Variants in GGT7 observed in about 807,000 individuals in gnomAD.
GGT7 encodes glutathione hydrolase 7.
GGT7 carries 30 observed loss-of-function variants against 69.2 expected under a neutral mutation model. The ratio of observed to expected loss-of-function variants is 0.43; its 90% CI spans 0.32 to 0.59. The LOEUF is 0.59. Ranked by LOEUF, GGT7 falls within the 20% of genes least tolerant of loss-of-function variation. GGT7 has a pLI of 0.05. For missense variants in GGT7, 733 were observed against 901.1 expected, an observed-to-expected ratio of 0.81 and a Z score of 2.39; for synonymous variants, 388 against 391.8, an observed-to-expected ratio of 0.99 and a Z score of 0.12.
At chr20:34,861,422 T>C (rs376520826) in intron 4 of GGT7, 23 bp downstream of exon 4, 3 of 1,277,926 alleles carry the variant, frequency 2.3e-6, no homozygotes, top group African/African-American at 2.9e-5. Context: ...CCCTGAACTC[T>C]CTCTTCTCAC....
At chr20:34,867,191 T>G (rs933265584) in intron 1 of GGT7, among the ~76,000 whole-genome samples, 1 of 152,102 alleles carries the variant, frequency 6.6e-6, no homozygotes, top group African/African-American at 2.4e-5. Flanking sequence ...TCCCAAAGTG[T>G]TGGGATTACA....
At position 34,859,378 on chromosome 20, in the gene GGT7, G is replaced by A. The variant is rs1179897253; in HGVS notation, c.1014+65C>T. On this transcript the variant is annotated intron_variant, in intron 7 of 14. Coordinates refer to ENST00000336431, the MANE Select transcript of GGT7 (RefSeq NM_178026.3). The stretch of plus-strand genomic sequence containing the variant: ...AGGGAGGGAAGGAAGGAAAAAATGC[G>A]GACGCGGATGTCCTGCAATAGGGAC... The A allele has an allele frequency of 1.9e-5, 24 of 1,268,974 alleles. 1 individual carries two copies. Among genetic ancestry groups the A allele is most frequent in the South Asian group, 6.7e-5 (4 of 59,412 alleles). 78.6% of individuals were successfully genotyped at this position (1,268,974 alleles called of 1,614,324 possible). A position where few individuals can be genotyped will look rare whatever the true frequency, so the allele number is the denominator to read the frequency against.
chr20:34,859,680 G>A (rs1195156789), intron 6 of GGT7, 41 bp from the exon 7 acceptor site: 1 of 1,480,972 alleles, frequency 6.8e-7, no homozygotes. Flanking sequence ...CGGGACGCCA[G>A]GACTGGACCG....
chr20:34,859,526 C>G lies in GGT7; in HGVS notation c.931G>C (p.Ala311Pro). 6.2e-7 allele frequency: 1 copy of G among 1,612,364 alleles called. No individual in the cohort carries two copies. Among genetic ancestry groups the G allele is most frequent in the Non-Finnish European group, 8.5e-7 (1 of 1,179,172 alleles). The change falls in exon 7 of 15, where the codon GCT (alanine) becomes CCT (proline). Residue 311 changes from alanine (A) to proline (P), a missense_variant. Ala to Pro is a conservative substitution (Grantham distance 27). Coordinates refer to ENST00000336431, the MANE Select transcript of GGT7 (RefSeq NM_178026.3). ...PGSLLHRPDL[A>P]EVLDVLGTSG... ...GTGCCAAGTACATCCAGCACCTCAGCCAGGTCGGGCCGATGCAGCAACGAG... is the reference window on the plus strand; with the variant it reads ...GTGCCAAGTACATCCAGCACCTCAGGCAGGTCGGGCCGATGCAGCAACGAG...
Position 34,851,137 on chromosome 20 carries a change from G to A in GGT7, c.1725+94C>T, listed in dbSNP as rs548370428. 2,431 of 1,487,306 alleles carry A rather than the reference G, an allele frequency of 1.6e-3. 6 individuals are homozygous for A. Among genetic ancestry groups the A allele is most frequent in the Non-Finnish European group, 2.1e-3 (2,221 of 1,077,432 alleles). 92.1% of individuals were successfully genotyped at this position (1,487,306 alleles called of 1,614,324 possible). Reference sequence around the variant, plus strand: ...CCTCAGCCCATGTTTGCCGCATGAGGAATGGAAACAAGCCACAGATATGAC... The same window carrying A: ...CCTCAGCCCATGTTTGCCGCATGAGAAATGGAAACAAGCCACAGATATGAC... On this transcript the variant is annotated intron_variant, in intron 13 of 14. Transcript: ENST00000336431.
At chr20:34,869,624 G>A (rs1454669700) in intron 1 of GGT7, among the ~76,000 whole-genome samples, 1 of 152,160 alleles carries the variant, frequency 6.6e-6, no homozygotes, top group South Asian at 2.1e-4. Context: ...GTCTACAGTG[G>A]TGATGACAGG....
rs2079389200 is a variant in GGT7 at position 34,851,384 on chromosome 20, A to G, written c.1588-16T>C. 1 of 1,603,934 alleles carries G rather than the reference A, an allele frequency of 6.2e-7. No homozygotes were observed. The highest frequency in any genetic ancestry group is 8.5e-7 in the Non-Finnish European group (1 of 1,174,434). Reference sequence around the variant, plus strand: ...CTGAATTCTCCTGTTGTTAGAGGACAGAGACCACAAGGGGCAGGTGGGGTG... The same window carrying G: ...CTGAATTCTCCTGTTGTTAGAGGACGGAGACCACAAGGGGCAGGTGGGGTG... On this transcript the variant is annotated splice_polypyrimidine_tract_variant and intron_variant, in intron 12 of 14. Coordinates refer to ENST00000336431, the MANE Select transcript of GGT7 (RefSeq NM_178026.3).
Position 34,860,258 on chromosome 20 carries a change from C to T in GGT7, c.739G>A (p.Gly247Ser). 1.2e-6 allele frequency: 2 copies of T among 1,611,932 alleles called. No individual in the cohort carries two copies. Among genetic ancestry groups the T allele is most frequent in the Non-Finnish European group, 1.7e-6 (2 of 1,178,136 alleles). Residue 247 changes from glycine to serine, a missense_variant, in exon 5 of 15, where the codon GGC becomes AGC. Physicochemically the swap from Gly to Ser is moderately conservative, Grantham distance 56. Transcript: ENST00000336431. The part of the protein sequence containing the change: ...KGLHEAHQLY[G>S]RLPWSQVLAF... ...CCCCAGGGGGAGGGTTGTTACCTGC[C>T]ATAGAGCTGGTGAGCTTCATGTAGC...
chr20:34,855,814 T>TGTGTGTGTGTGTGTGA (rs56219337), intron 8 of GGT7, among the ~76,000 whole-genome samples: 15,382 of 144,158 alleles, frequency 0.11, 1,615 homozygotes, highest in African/African-American at 0.28. Context: ...TGTGTGTGTG[T>TGTGTGTGTGTGTGTGA]GATAATGGTC....
chr20:34,866,392 G>A (rs1343002796), intron 1 of GGT7, among the ~76,000 whole-genome samples: 1 of 152,050 alleles, frequency 6.6e-6, no homozygotes, highest in Non-Finnish European at 1.5e-5. Flanking sequence ...GCTGCAGTAT[G>A]ATTGCAATAT....
intron 3 of GGT7, 131 bp downstream of exon 3, chr20:34,862,683 G>A: frequency 1.1e-6 from 1 of 882,388 alleles, no homozygotes; most frequent in Non-Finnish European, 1.9e-6. Flanking sequence ...GAAATTTGGT[G>A]TAGAAAGAGA....
intron 12 of GGT7, 129 bp downstream of exon 12, chr20:34,852,026 G>A: frequency 1.4e-6 from 1 of 704,990 alleles, no homozygotes; most frequent in East Asian, 2.6e-5. Flanking sequence ...GGGATGAGGT[G>A]AACCTCTTCT....
chr20:34,845,356 G>A lies in GGT7; in HGVS notation c.1961C>T (p.Pro654Leu). 6.2e-7 allele frequency: 1 copy of A among 1,614,014 alleles called. No homozygotes were observed. The highest frequency in any genetic ancestry group is 8.5e-7 in the Non-Finnish European group (1 of 1,179,968). Residue 654 changes from proline to leucine, a missense_variant, in exon 15 of 15, where the codon CCA (proline) becomes CTA (leucine). By Grantham distance (98) the Pro-to-Leu change is moderately conservative. Transcript: ENST00000336431. ...FIIAVKDPRSPDAAGATIL is the reference protein window; with the variant it reads ...FIIAVKDPRSLDAAGATIL ...CAGGATGGTGGCTCCAGCTGCATCT[G>A]GGCTCCGAGGGTCCTTAACAGCGAT...
At position 34,872,693 on chromosome 20, in the gene GGT7, C is replaced by T. The variant is rs747934806; in HGVS notation, c.123G>A (p.Leu41=). Residue 41 remains leucine, a synonymous_variant, in exon 1 of 15, where the codon CTG becomes CTA. Coordinates refer to ENST00000336431, the MANE Select transcript of GGT7 (RefSeq NM_178026.3). ...AGGCGTCCTCGTCCTTGCGGCCCCT[C>T]AGCGGGGCCGCGGGCGCCGGCTCGT... ...PEDEPAPAAP[L]RGRKDEDAFL... is the part of the protein sequence containing the mutation. The T allele has an allele frequency of 5.4e-6, 8 of 1,482,728 alleles. No homozygotes were observed. The highest frequency in any genetic ancestry group is 7.1e-6 in the Non-Finnish European group (8 of 1,121,308). The allele number at this position is 1,482,728 out of a possible 1,614,324, so 91.8% of individuals were successfully genotyped here. A position where few individuals can be genotyped will look rare whatever the true frequency, so the allele number is the denominator to read the frequency against.
chr20:34,850,374 G>A (rs1263876561), intron 13 of GGT7, among the ~76,000 whole-genome samples: 1 of 152,178 alleles, frequency 6.6e-6, no homozygotes, highest in Non-Finnish European at 1.5e-5. Context: ...GATAGGGCAA[G>A]GTTAATAGCT....
At chr20:34,852,086 C>A in intron 12 of GGT7, 69 bp downstream of exon 12, 2 of 918,086 alleles carry the variant, frequency 2.2e-6, no homozygotes, top group Non-Finnish European at 3.7e-6. Flanking sequence ...GAGAAAGGGG[C>A]AGCCATGCCA....
chr20:34,860,754 T>C (rs958287070), intron 4 of GGT7, among the ~76,000 whole-genome samples: 2 of 149,958 alleles, frequency 1.3e-5, no homozygotes, highest in African/African-American at 4.9e-5. Flanking sequence ...TGGTGCATGC[T>C]ACTGTGCCTG....
chr20:34,864,550 G>C (rs867874218), intron 1 of GGT7, among the ~76,000 whole-genome samples: 1 of 151,742 alleles, frequency 6.6e-6, no homozygotes, highest in Non-Finnish European at 1.5e-5. Context: ...GTGAAACCCC[G>C]GCTCCACTAA....
rs201814530 is a variant in GGT7, at chr20:34,845,379, G to A, written c.1938C>T (p.Ile646=). The A allele has an allele frequency of 1.4e-3, 2,309 of 1,614,158 alleles. 3 individuals are homozygous for A. Among genetic ancestry groups the A allele is most frequent in the Non-Finnish European group, 1.8e-3 (2,105 of 1,180,006 alleles). The change falls in exon 15 of 15, where the codon ATC becomes ATT. Residue 646 remains isoleucine (I), a synonymous_variant. Transcript: ENST00000336431. ...CTGGGCTCCGAGGGTCCTTAACAGC[G>A]ATGATGAAGTTGTTGGTCCTTCGGC... The part of the protein sequence containing the change: ...HGSRRTNNFI[I]AVKDPRSPDA...
Sources: allele counts gnomAD v4.1 joint callset (sites outside exome capture counted in the v4.1 genomes callset), GRCh38; gene constraint gnomAD v4.1.1; transcripts MANE v1.5; gene names NCBI Gene and HGNC (gene_info 2026-07-23, HGNC 2026-07-21).